Variants in SHISAL2A observed in about 807,000 individuals in gnomAD.
SHISAL2A encodes the protein protein shisa-like-2A.
A neutral mutation model predicts 11.5 loss-of-function variants in SHISAL2A; 18 were observed. The ratio of observed to expected loss-of-function variants is 1.57; its 90% CI spans 1.08 to 2.33. SHISAL2A has a LOEUF of 2.33. Ranked by LOEUF, SHISAL2A falls within the 30% of genes most tolerant of loss-of-function variation. The pLI is 0.00. For synonymous variants in SHISAL2A, 94 were observed against 99.6 expected, an observed-to-expected ratio of 0.94 and a Z score of 0.34; for missense variants, 261 against 250.9, an observed-to-expected ratio of 1.04 and a Z score of -0.27.
intron 1 of SHISAL2A, among the ~76,000 whole-genome samples, chr1:52,637,532 TCA>T (rs1465413693): frequency 6.6e-6 from 1 of 152,190 alleles, no homozygotes; most frequent in African/African-American, 2.4e-5. Context: ...GTTGGTGCTG[TCA>T]CACCGTCTGG....
downstream of SHISAL2A, among the ~76,000 whole-genome samples, chr1:52,660,222 T>C (rs1051459596): frequency 1.3e-5 from 2 of 152,146 alleles, no homozygotes; most frequent in Non-Finnish European, 2.9e-5. Flanking sequence ...AGCAAGGCCC[T>C]GAAGACCTGG....
At chr1:52,667,361 C>T in intron 4 of SHISAL2A, 1 of 980,540 alleles carries the variant, frequency 1.0e-6, no homozygotes, top group South Asian at 4.7e-5. Flanking sequence ...ATGGGGAAGT[C>T]TTTCAAAGAT....
rs763525572 is a variant in SHISAL2A, at chr1:52,656,943, A to G, written c.476A>G (p.His159Arg). 3 of 1,614,202 alleles carry G rather than the reference A, an allele frequency of 1.9e-6. No homozygotes were observed. The highest frequency in any genetic ancestry group is 2.5e-6 in the Non-Finnish European group (3 of 1,180,026). ...GQAVNSKRLL[H>R]HCFMATVTTS... ...GCTGTGAACTCCAAACGCCTCCTCCATCATTGCTTCATGGCCACAGTGACC... is the reference window on the plus strand; with the variant it reads ...GCTGTGAACTCCAAACGCCTCCTCCGTCATTGCTTCATGGCCACAGTGACC... The change falls in exon 3 of 3, where the codon CAT (histidine) becomes CGT (arginine). Residue 159 changes from histidine (H) to arginine (R), a missense_variant. His to Arg is a conservative substitution (Grantham distance 29). Coordinates refer to ENST00000517870, the MANE Select transcript of SHISAL2A (RefSeq NM_001042693.3).
intron 2 of SHISAL2A, among the ~76,000 whole-genome samples, chr1:52,653,803 A>G (rs895081411): frequency 6.6e-6 from 1 of 152,010 alleles, no homozygotes; most frequent in Non-Finnish European, 1.5e-5. Flanking sequence ...CAATGGCACA[A>G]TCTAGCCTCA....
chr1:52,640,969 CA>C (rs1691351350), intron 1 of SHISAL2A, among the ~76,000 whole-genome samples: 2 of 152,118 alleles, frequency 1.3e-5, no homozygotes, highest in Admixed American at 6.5e-5. Flanking sequence ...CAATGGTAAT[CA>C]ATCATGCCTA....
intron 2 of SHISAL2A, among the ~76,000 whole-genome samples, chr1:52,643,359 A>G (rs1323843242): frequency 6.6e-6 from 1 of 152,242 alleles, no homozygotes; most frequent in Non-Finnish European, 1.5e-5. Context: ...GCTGCTTCCA[A>G]ACTCATAATT....
downstream of SHISAL2A, among the ~76,000 whole-genome samples, chr1:52,660,454 G>A (rs767119543): frequency 2.6e-4 from 40 of 152,156 alleles, no homozygotes; most frequent in Non-Finnish European, 4.1e-4. Flanking sequence ...CAGGGCAGCC[G>A]CAGTGGGAGG....
chr1:52,656,013 G>A (rs1375382402), intron 2 of SHISAL2A, among the ~76,000 whole-genome samples: 1 of 152,170 alleles, frequency 6.6e-6, no homozygotes, highest in Non-Finnish European at 1.5e-5. Context: ...AAAGGGCCGA[G>A]GTAGAAGGTG....
At position 52,657,040 on chromosome 1, in the gene SHISAL2A, A is replaced by G; in HGVS notation, c.573A>G (p.Ter191=). The change falls in exon 3 of 3, where the codon TAA becomes TAG. Residue 191 remains the stop codon, a stop_retained_variant. Transcript: ENST00000517870. The part of the protein sequence containing the change: ...PNPDLCGPVP[*] ...CTGACCTATGTGGACCAGTCCCATA[A>G]ACATTCAATAAATGTCTCCATACCA... 1.9e-6 allele frequency: 3 copies of G among 1,588,582 alleles called. No individual in the cohort carries two copies. The highest frequency in any genetic ancestry group is 2.6e-6 in the Non-Finnish European group (3 of 1,165,150).
At chr1:52,639,558 C>G (rs1156363292) in intron 1 of SHISAL2A, among the ~76,000 whole-genome samples, 1 of 151,980 alleles carries the variant, frequency 6.6e-6, no homozygotes, top group Non-Finnish European at 1.5e-5. Flanking sequence ...TCGAGACCAT[C>G]CTGGCTAACA....
At chr1:52,659,357 C>T (rs914554870), downstream of SHISAL2A, 4 of 153,056 alleles carry the variant, frequency 2.6e-5, no homozygotes, top group African/African-American at 9.7e-5. Flanking sequence ...ACCCAGCACC[C>T]TTGTCCATTT....
intron 2 of SHISAL2A, among the ~76,000 whole-genome samples, chr1:52,644,540 C>A (rs974592057): frequency 2.6e-5 from 4 of 151,802 alleles, no homozygotes; most frequent in African/African-American, 9.7e-5. Flanking sequence ...GCCTGGCCAA[C>A]ATGGCAAAAC....
chr1:52,651,242 T>C (rs1246447994), intron 2 of SHISAL2A, among the ~76,000 whole-genome samples: 2 of 152,082 alleles, frequency 1.3e-5, no homozygotes, highest in Non-Finnish European at 2.9e-5. Flanking sequence ...GGTTTTTTGT[T>C]TTTTGTTTTT....
At chr1:52,637,931 C>A (rs147907930) in intron 1 of SHISAL2A, among the ~76,000 whole-genome samples, 1 of 152,230 alleles carries the variant, frequency 6.6e-6, no homozygotes, top group Non-Finnish European at 1.5e-5. Context: ...GGGTAGGAAT[C>A]TCTAACTTCA....
downstream of SHISAL2A, among the ~76,000 whole-genome samples, chr1:52,659,762 C>T (rs1362509387): frequency 1.3e-5 from 2 of 152,224 alleles, no homozygotes; most frequent in Non-Finnish European, 2.9e-5. Context: ...TGCGACCCTT[C>T]ACAGGACGAA....
chr1:52,655,138 A>T (rs1256342190), intron 2 of SHISAL2A, among the ~76,000 whole-genome samples: 1 of 152,122 alleles, frequency 6.6e-6, no homozygotes, highest in Non-Finnish European at 1.5e-5. Flanking sequence ...GTGAGCTGAG[A>T]TCACGCCACT....
intron 1 of SHISAL2A, among the ~76,000 whole-genome samples, chr1:52,636,099 A>G (rs919933860): frequency 2.3e-4 from 35 of 152,240 alleles, no homozygotes; most frequent in African/African-American, 7.9e-4. Context: ...TACAGAGACA[A>G]TGTGGAGCTT....
At chr1:52,643,770 T>C (rs575587359) in intron 2 of SHISAL2A, among the ~76,000 whole-genome samples, 4 of 152,130 alleles carry the variant, frequency 2.6e-5, no homozygotes, top group Admixed American at 6.5e-5. Context: ...GGAGAATCGC[T>C]TGAACCTGGG....
At position 52,633,705 on chromosome 1, in the gene SHISAL2A, A is replaced by G. The variant is rs1691181889; in HGVS notation, c.182+30A>G. 4 of 1,572,452 alleles carry G rather than the reference A, an allele frequency of 2.5e-6. No homozygotes were observed. In the East Asian group the frequency reaches 9.6e-5, roughly 38 times the overall value. On this transcript the variant is annotated intron_variant, in intron 1 of 2. Transcript: ENST00000517870. This position sits in a 1 kb window ranked among gnomAD's most constrained non-coding sequence, Gnocchi z 6.4. ...CGTCCCTGGCCCTCACCCTACCTTG[A>G]ACCCCACTCCAGTCTCAGCGCCTTC...
Sources: allele counts gnomAD v4.1 joint callset (sites outside exome capture counted in the v4.1 genomes callset), GRCh38; gene constraint gnomAD v4.1.1; non-coding constraint Gnocchi (gnomAD v3.1); transcripts MANE v1.5; gene names NCBI Gene and HGNC (gene_info 2026-07-23, HGNC 2026-07-21).